The following HYCC2 variants were observed in gnomAD, a reference collection of about 807,000 sequenced individuals.
HYCC2 encodes the protein hyccin PI4KA lipid kinase complex subunit 2.
At chr2:201,018,274 A>T in the HYCC2 span, among the ~76,000 whole-genome samples, 10 of 152,276 alleles carry the variant, frequency 6.6e-5, no homozygotes, top group East Asian at 1.7e-3. Context: ...GGCTGCAGAA[A>T]ACTGGCTATG....
At chr2:201,066,137 A>T in the HYCC2 span, among the ~76,000 whole-genome samples, 1 of 151,614 alleles carries the variant, frequency 6.6e-6, no homozygotes, top group South Asian at 2.1e-4. Context: ...GAGTGCACAC[A>T]ATCTTGGCTC....
the HYCC2 span, among the ~76,000 whole-genome samples, chr2:201,037,883 T>C: frequency 2.0e-5 from 3 of 152,042 alleles, no homozygotes; most frequent in East Asian, 3.9e-4. Context: ...AAAGCCAAAA[T>C]TGACAAATGG....
At chr2:201,054,082 C>T in the HYCC2 span, among the ~76,000 whole-genome samples, 2 of 152,182 alleles carry the variant, frequency 1.3e-5, no homozygotes, top group Non-Finnish European at 2.9e-5. Flanking sequence ...TCCTGGGAAT[C>T]CAGAAGGTCA....
chr2:201,017,082 T>C, the HYCC2 span: 1 of 1,614,070 alleles, frequency 6.2e-7, no homozygotes. Flanking sequence ...CCACATCAAT[T>C]CTGGCAAGAA....
the HYCC2 span, among the ~76,000 whole-genome samples, chr2:201,057,051 T>G: frequency 3.3e-5 from 5 of 152,218 alleles, no homozygotes; most frequent in African/African-American, 9.6e-5. Context: ...AAGAGAGCTA[T>G]GCCCTCTCTG....
At chr2:201,000,015 G>A in the HYCC2 span, among the ~76,000 whole-genome samples, 1 of 137,414 alleles carries the variant, frequency 7.3e-6, no homozygotes, top group Non-Finnish European at 1.5e-5. Context: ...CTGAGATCAT[G>A]CCACTGCACT....
the HYCC2 span, among the ~76,000 whole-genome samples, chr2:200,990,831 G>A: frequency 0.32 from 48,076 of 151,678 alleles, 10,020 homozygotes; most frequent in African/African-American, 0.59. Flanking sequence ...TCGGCCTCCC[G>A]AAGTGCTGGG....
chr2:201,009,126 C>T, the HYCC2 span: 1 of 1,230,006 alleles, frequency 8.1e-7, no homozygotes. Context: ...AATGTCTCTA[C>T]CATGAAGTAA....
At chr2:201,055,383 G>GAAAAAAAAA in the HYCC2 span, among the ~76,000 whole-genome samples, 1 of 93,686 alleles carries the variant, frequency 1.1e-5, no homozygotes, top group Non-Finnish European at 2.3e-5. Context: ...ATTCCATCTC[G>GAAAAAAAAA]AAAAAAAAAA....
the HYCC2 span, among the ~76,000 whole-genome samples, chr2:201,064,638 T>G: frequency 6.6e-6 from 1 of 152,204 alleles, no homozygotes; most frequent in Non-Finnish European, 1.5e-5. Context: ...AAAGTGATTG[T>G]TGGCACATCC....
the HYCC2 span, among the ~76,000 whole-genome samples, chr2:201,029,522 A>G: frequency 2.0e-5 from 3 of 152,202 alleles, no homozygotes; most frequent in Non-Finnish European, 2.9e-5. Flanking sequence ...AAGACTTGGA[A>G]CCAACCCAAA....
the HYCC2 span, among the ~76,000 whole-genome samples, chr2:201,034,073 A>G: frequency 6.6e-6 from 1 of 152,080 alleles, no homozygotes; most frequent in Non-Finnish European, 1.5e-5. Context: ...TTAAATATCT[A>G]TAGTTTCCAC....
chr2:201,064,300 T>C, the HYCC2 span, among the ~76,000 whole-genome samples: 1 of 151,714 alleles, frequency 6.6e-6, no homozygotes, highest in East Asian at 1.9e-4. Flanking sequence ...CAAAGGGTTT[T>C]AATGTAGATT....
chr2:201,020,699 A>C, the HYCC2 span, among the ~76,000 whole-genome samples: 1 of 152,192 alleles, frequency 6.6e-6, no homozygotes, highest in East Asian at 1.9e-4. Flanking sequence ...TTCACCCACT[A>C]AACACCAGAA....
the HYCC2 span, among the ~76,000 whole-genome samples, chr2:201,052,435 T>A: frequency 4.6e-5 from 7 of 151,842 alleles, no homozygotes; most frequent in Non-Finnish European, 8.8e-5. Flanking sequence ...TGAGACCTCG[T>A]CTCTGCAAAA....
chr2:200,979,903 T>C, the HYCC2 span: 2 of 152,674 alleles, frequency 1.3e-5, no homozygotes, highest in Admixed American at 1.3e-4. Flanking sequence ...AGTTACCAAA[T>C]GCTACTTACA....
the HYCC2 span, chr2:200,980,993 C>G: frequency 2.1e-6 from 1 of 467,628 alleles, no homozygotes; most frequent in East Asian, 4.1e-5. Context: ...CGATGGATTG[C>G]ACATCACCCA....
At chr2:201,028,318 C>T in the HYCC2 span, among the ~76,000 whole-genome samples, 4 of 151,840 alleles carry the variant, frequency 2.6e-5, no homozygotes, top group South Asian at 2.1e-4. Flanking sequence ...AAAGAGGGCA[C>T]AAAAAAATGG....
chr2:201,063,704 C>T, the HYCC2 span: 5 of 1,577,160 alleles, frequency 3.2e-6, no homozygotes, highest in Admixed American at 5.0e-5. Context: ...TGGTGGTGGT[C>T]GTGGAGGTGG....
Sources: allele counts gnomAD v4.1 joint callset (sites outside exome capture counted in the v4.1 genomes callset), GRCh38; gene constraint gnomAD v4.1.1; transcripts MANE v1.5; gene names NCBI Gene and HGNC (gene_info 2026-07-23, HGNC 2026-07-21).